TNS1: variants seen among roughly 807,000 people sequenced by gnomAD.
The protein encoded by TNS1 is tensin 1.
In TNS1, 62 loss-of-function variants were observed where a neutral mutation model predicts 168.6. The ratio of observed to expected loss-of-function variants is 0.37; its 90% CI spans 0.30 to 0.45. TNS1 has a LOEUF of 0.45. Ranked by LOEUF, TNS1 falls within the 20% of genes least tolerant of loss-of-function variation. The probability of loss-of-function intolerance (pLI) is 1.00; values close to 1 mark genes in which losing one functional copy is unlikely to be tolerated. For missense variants in TNS1, 2,240 were observed against 2,339.4 expected, an observed-to-expected ratio of 0.96 and a Z score of 0.88; for synonymous variants, 934 against 933.2, an observed-to-expected ratio of 1.00 and a Z score of -0.02.
intron 23 of TNS1, among the ~76,000 whole-genome samples, chr2:217,820,227 T>A (rs1253978009): frequency 6.6e-6 from 1 of 152,122 alleles, no homozygotes; most frequent in Non-Finnish European, 1.5e-5. Flanking sequence ...GGCCAACACT[T>A]CAGCAGGAGG....
intron 3 of TNS1, among the ~76,000 whole-genome samples, chr2:217,963,822 T>C (rs1021777844): frequency 2.7e-5 from 4 of 148,932 alleles, no homozygotes; most frequent in African/African-American, 7.5e-5. Context: ...AGTGGGAAGA[T>C]TGCCTGAGCT....
intron 3 of TNS1, among the ~76,000 whole-genome samples, chr2:217,928,044 C>A (rs766912401): frequency 3.0e-4 from 46 of 152,230 alleles, no homozygotes; most frequent in Admixed American, 4.6e-4. Context: ...AGACAGCCCC[C>A]ATTCAACCTG....
At chr2:217,864,911 T>G (rs976964213) in intron 18 of TNS1, among the ~76,000 whole-genome samples, 13 of 151,880 alleles carry the variant, frequency 8.6e-5, no homozygotes, top group Admixed American at 8.5e-4. Flanking sequence ...TGGGGCAGAG[T>G]TGGGGTACGC....
rs769367462 is a variant in TNS1 at position 217,890,950 on chromosome 2, C to T, written c.866+12G>A. The T allele has an allele frequency of 5.6e-6, 9 of 1,614,084 alleles. No individual in the cohort carries two copies. The highest frequency in any genetic ancestry group is 1.6e-4 in the Middle Eastern group (1 of 6,062). Reference sequence around the variant, plus strand: ...ACATACATGCAAGGGGCTGTGAGCCCCAGAGACCCACCTTCTTTGGGATGG... The same window carrying T: ...ACATACATGCAAGGGGCTGTGAGCCTCAGAGACCCACCTTCTTTGGGATGG... On this transcript the variant is annotated intron_variant, in intron 12 of 32. Transcript: ENST00000682258.
intron 3 of TNS1, among the ~76,000 whole-genome samples, chr2:217,966,051 C>T (rs1216249499): frequency 6.6e-6 from 1 of 152,212 alleles, no homozygotes; most frequent in Non-Finnish European, 1.5e-5. Context: ...ATTTGCCCTT[C>T]TCTCTGCTCT....
At chr2:217,914,005 A>C (rs960440119) in intron 4 of TNS1, among the ~76,000 whole-genome samples, 1 of 151,924 alleles carries the variant, frequency 6.6e-6, no homozygotes, top group Admixed American at 6.5e-5. Flanking sequence ...CCTCTTTCAG[A>C]CTCAGCAATT....
chr2:218,028,592 T>G (rs1958868389), intron 1 of TNS1, among the ~76,000 whole-genome samples: 1 of 152,162 alleles, frequency 6.6e-6, no homozygotes, highest in Non-Finnish European at 1.5e-5. Flanking sequence ...GGAGGCACAC[T>G]TTAAACAGAC....
upstream of TNS1, among the ~76,000 whole-genome samples, chr2:218,005,471 A>G (rs1958649786): frequency 6.6e-6 from 1 of 152,190 alleles, no homozygotes; most frequent in East Asian, 1.9e-4. Context: ...TTAATCGCTT[A>G]TCATCAAGAT....
intron 1 of TNS1, among the ~76,000 whole-genome samples, chr2:217,997,859 G>A (rs1472604402): frequency 2.0e-5 from 3 of 152,270 alleles, no homozygotes; most frequent in Admixed American, 1.3e-4. Context: ...CTGCCAGGTA[G>A]ACGTGTCAGA....
At chr2:218,009,490 C>T (rs907572323) in intron 1 of TNS1, among the ~76,000 whole-genome samples, 5 of 152,020 alleles carry the variant, frequency 3.3e-5, no homozygotes, top group African/African-American at 1.2e-4. Flanking sequence ...CACAGCACTG[C>T]AGGTTCCCCA....
In TNS1 at chr2:218,027,269, C is replaced by T. The variant is rs527539419; in HGVS notation, c.156+6551G>A. Among the ~76,000 whole-genome samples the T allele has an allele frequency of 2.6e-5, 4 of 152,066 alleles. No homozygotes were observed. The South Asian group carries it at 6.2e-4, about 24-fold the overall frequency. On this transcript the variant is annotated intron_variant, in intron 1 of 1. Transcript: ENST00000649572. ...TCTGGGGGGCCTTTCAGGGACTCCA[C>T]GGCCTACACGATAAGTGTAAAGCCC...
At chr2:217,867,841 G>A (rs567846824) in intron 18 of TNS1, among the ~76,000 whole-genome samples, 53 of 152,198 alleles carry the variant, frequency 3.5e-4, no homozygotes, top group Non-Finnish European at 5.0e-4. Flanking sequence ...TCAGAGGGCC[G>A]GGACTGACCA....
intron 19 of TNS1, among the ~76,000 whole-genome samples, chr2:217,845,886 T>C (rs987488875): frequency 3.3e-5 from 5 of 152,124 alleles, no homozygotes; most frequent in Non-Finnish European, 7.4e-5. Flanking sequence ...GGCTCCTGGA[T>C]CCTGCCCCTC....
intron 18 of TNS1, among the ~76,000 whole-genome samples, chr2:217,868,091 G>A (rs571879510): frequency 6.6e-6 from 1 of 152,268 alleles, no homozygotes; most frequent in Non-Finnish European, 1.5e-5. Flanking sequence ...CCGGTACAGA[G>A]TAAGCACTCA....
upstream of TNS1, among the ~76,000 whole-genome samples, chr2:218,014,673 T>C (rs1370386491): frequency 6.6e-6 from 1 of 152,230 alleles, no homozygotes; most frequent in East Asian, 1.9e-4. Flanking sequence ...CATTTCTTCC[T>C]AGCACTTAGA....
intron 3 of TNS1, among the ~76,000 whole-genome samples, chr2:217,941,729 T>C (rs934614703): frequency 1.3e-5 from 2 of 152,062 alleles, no homozygotes. Context: ...TCGGCCTCTG[T>C]CTAAACTCCC....
At position 217,818,784 on chromosome 2, in the gene TNS1, T is replaced by C. The variant is rs181739946; in HGVS notation, c.3573-25A>G. ...GCTGCAGAGAGATGGCAGGTTGCGA[T>C]GTCAGTGGACAGAACTGAATGAAGG... On this transcript the variant is annotated intron_variant, in intron 23 of 32. Coordinates refer to ENST00000682258, the MANE Select transcript of TNS1 (RefSeq NM_001387777.1). The C allele has an allele frequency of 4.1e-4, 640 of 1,576,162 alleles. 3 individuals are homozygous for C. In the African/African-American group the frequency reaches 7.2e-3, roughly 18 times the overall value.
intron 3 of TNS1, among the ~76,000 whole-genome samples, chr2:217,921,939 A>C (rs1209832823): frequency 6.6e-6 from 1 of 152,192 alleles, no homozygotes; most frequent in Admixed American, 6.5e-5. Flanking sequence ...TAAGTGGCCG[A>C]GATTTGAACC....
At chr2:217,906,439 T>C (rs891459811) in intron 5 of TNS1, 54 bp from the exon 6 acceptor site, 6 of 702,178 alleles carry the variant, frequency 8.5e-6, no homozygotes, top group Non-Finnish European at 1.6e-5. Context: ...ATAATCAAAA[T>C]GCACCTTGCT....
Sources: gnomAD v4.1 joint callset for allele counts (sites outside exome capture counted in the v4.1 genomes callset) on GRCh38, gnomAD v4.1.1 for gene constraint, MANE v1.5 for transcripts, NCBI Gene and HGNC (gene_info 2026-07-23, HGNC 2026-07-21) for gene names.